The following ARHGEF26 variants were observed in gnomAD, a reference collection of about 807,000 sequenced individuals.
ARHGEF26 encodes Rho guanine nucleotide exchange factor (GEF) 26.
A neutral mutation model predicts 89.4 loss-of-function variants in ARHGEF26; 59 were observed. The observed-to-expected ratio is 0.66, with a 90% CI of 0.54 to 0.82. The LOEUF (loss-of-function observed/expected upper bound fraction) is 0.82. Among genes scored for constraint, ARHGEF26 ranks in the 40% least tolerant of loss-of-function variants. The pLI, the probability that ARHGEF26 is intolerant of heterozygous loss-of-function variation, is 0.00. For synonymous variants in ARHGEF26, 500 were observed against 428.4 expected (o/e 1.17, Z -2.06); for missense variants, 1,234 against 1,085.6 (o/e 1.14, Z -1.92).
intron 6 of ARHGEF26, among the ~76,000 whole-genome samples, chr3:154,155,256 A>G (rs1013001005): frequency 3.3e-5 from 5 of 152,052 alleles, no homozygotes; most frequent in African/African-American, 7.2e-5. Flanking sequence ...ATATTCCTCT[A>G]TGATGTTGGA....
At chr3:154,220,590 C>G (rs1489935799) in intron 10 of ARHGEF26, among the ~76,000 whole-genome samples, 3 of 152,104 alleles carry the variant, frequency 2.0e-5, no homozygotes, top group African/African-American at 7.2e-5. Flanking sequence ...ACTTGGGGTG[C>G]AAGAGGAGCA....
At position 154,187,847 on chromosome 3, in the gene ARHGEF26, G is replaced by A. The variant is rs532992036; in HGVS notation, c.1640+10G>A. The A allele has an allele frequency of 5.0e-6, 8 of 1,603,628 alleles. No homozygotes were observed. The African/African-American group carries it at 6.7e-5, about 13-fold the overall frequency. Reference sequence around the variant, plus strand: ...CACTACAAAAATTGTTGTAAGCAATGTCGAATGCTACAGTTTTAATCATCT... The same window carrying A: ...CACTACAAAAATTGTTGTAAGCAATATCGAATGCTACAGTTTTAATCATCT... On this transcript the variant is annotated intron_variant, in intron 7 of 14. Transcript: ENST00000465093.
At chr3:154,151,948 T>C (rs1720046340) in intron 5 of ARHGEF26, among the ~76,000 whole-genome samples, 1 of 152,182 alleles carries the variant, frequency 6.6e-6, no homozygotes, top group South Asian at 2.1e-4. Context: ...TATCCCTTTT[T>C]AGAGGATCTG....
chr3:154,183,697 G>A (rs1467036221), intron 6 of ARHGEF26, among the ~76,000 whole-genome samples: 3 of 152,148 alleles, frequency 2.0e-5, no homozygotes, highest in African/African-American at 7.2e-5. Context: ...AAAATAAAAG[G>A]TGGGTGGTTT....
intron 11 of ARHGEF26, among the ~76,000 whole-genome samples, chr3:154,229,838 A>G (rs915253325): frequency 2.0e-5 from 3 of 152,226 alleles, no homozygotes; most frequent in African/African-American, 7.2e-5. Context: ...AAAATCTATC[A>G]GACTGACACA....
chr3:154,216,034 T>C (rs915675139), intron 9 of ARHGEF26, among the ~76,000 whole-genome samples: 2 of 152,156 alleles, frequency 1.3e-5, no homozygotes, highest in Non-Finnish European at 2.9e-5. Flanking sequence ...AAAGAGAAAG[T>C]GTATGACCCA....
At chr3:154,182,627 T>A (rs1419865507) in intron 6 of ARHGEF26, among the ~76,000 whole-genome samples, 1 of 152,222 alleles carries the variant, frequency 6.6e-6, no homozygotes, top group African/African-American at 2.4e-5. Flanking sequence ...TGGAAAATGA[T>A]CTTTTTCTTT....
chr3:154,128,390 A>G (rs1238293336), intron 3 of ARHGEF26, among the ~76,000 whole-genome samples: 1 of 152,058 alleles, frequency 6.6e-6, no homozygotes, highest in Non-Finnish European at 1.5e-5. Context: ...GGGGTGCACC[A>G]CCACACTCGG....
intron 4 of ARHGEF26, among the ~76,000 whole-genome samples, chr3:154,141,477 A>G (rs931796440): frequency 1.4e-4 from 22 of 152,188 alleles, no homozygotes; most frequent in African/African-American, 5.3e-4. Flanking sequence ...CTATGGCACA[A>G]AATGTGGTCC....
At chr3:154,240,621 C>T in intron 12 of ARHGEF26, 42 bp downstream of exon 12, 1 of 1,506,856 alleles carries the variant, frequency 6.6e-7, no homozygotes, top group Non-Finnish European at 8.9e-7. Context: ...CTGATAGTAT[C>T]TCCCTGACCT....
At chr3:154,175,042 T>G (rs994672422) in intron 6 of ARHGEF26, among the ~76,000 whole-genome samples, 1 of 152,224 alleles carries the variant, frequency 6.6e-6, no homozygotes, top group Non-Finnish European at 1.5e-5. Context: ...GGGTCTCCTG[T>G]ATATACTGCT....
chr3:154,177,779 A>G (rs1712917379), intron 6 of ARHGEF26, among the ~76,000 whole-genome samples: 1 of 152,154 alleles, frequency 6.6e-6, no homozygotes, highest in African/African-American at 2.4e-5. Flanking sequence ...GATTCACTTG[A>G]AAAGGGATGA....
In ARHGEF26 at chr3:154,255,963, G is replaced by GTT. The variant is rs1427866162; in HGVS notation, c.*491_*492dup. The stretch of plus-strand genomic sequence containing the variant: ...TTTTTACATCTGATTTTAATGCTTC[G>GTT]TTAACTTCAAAAGGAACTGGTAGAG... On this transcript the variant is annotated 3_prime_UTR_variant, in exon 15 of 15. Coordinates refer to ENST00000465093, the MANE Select transcript of ARHGEF26 (RefSeq NM_015595.4). The GTT allele has an allele frequency of 1.7e-5, 17 of 984,788 alleles. No individual in the cohort carries two copies. Among genetic ancestry groups the GTT allele is most frequent in the Non-Finnish European group, 2.0e-5 (17 of 830,006 alleles). The allele number at this position is 984,788 out of a possible 1,614,324, so 61.0% of individuals were successfully genotyped here.
chr3:154,253,237 T>C, intron 13 of ARHGEF26, 54 bp downstream of exon 13: 1 of 1,595,646 alleles, frequency 6.3e-7, no homozygotes, highest in Non-Finnish European at 8.6e-7. Flanking sequence ...CTCTGCCCCC[T>C]GCTGGACGCC....
At chr3:154,133,996 C>CTGT (rs1026107892) in intron 4 of ARHGEF26, among the ~76,000 whole-genome samples, 2 of 152,028 alleles carry the variant, frequency 1.3e-5, no homozygotes, top group Admixed American at 1.3e-4. Flanking sequence ...CTTGGCTTGA[C>CTGT]TGTTGTTGGT....
At chr3:154,137,825 AAAAG>A (rs1719106082) in intron 4 of ARHGEF26, among the ~76,000 whole-genome samples, 1 of 151,040 alleles carries the variant, frequency 6.6e-6, no homozygotes, top group African/African-American at 2.4e-5. Context: ...AAAAAAAAAA[AAAAG>A]AAGAAGAGAA....
chr3:154,242,348 T>G (rs1717523099), intron 12 of ARHGEF26, among the ~76,000 whole-genome samples: 1 of 151,882 alleles, frequency 6.6e-6, no homozygotes, highest in South Asian at 2.1e-4. Context: ...TGAACAGGAG[T>G]TGGGAAAAGT....
intron 6 of ARHGEF26, among the ~76,000 whole-genome samples, chr3:154,155,696 G>T (rs1720299335): frequency 6.6e-6 from 1 of 151,952 alleles, no homozygotes; most frequent in Non-Finnish European, 1.5e-5. Context: ...AATAGAGTAT[G>T]TATGTATCCT....
chr3:154,252,017 G>C (rs889717421), intron 12 of ARHGEF26, among the ~76,000 whole-genome samples: 3 of 152,166 alleles, frequency 2.0e-5, no homozygotes, highest in African/African-American at 7.2e-5. Context: ...GAAAGGCTGG[G>C]GCAAGGGTGC....
Sources: allele counts gnomAD v4.1 joint callset (sites outside exome capture counted in the v4.1 genomes callset), GRCh38; gene constraint gnomAD v4.1.1; transcripts MANE v1.5; gene names NCBI Gene and HGNC (gene_info 2026-07-23, HGNC 2026-07-21).